PER2: variants seen among roughly 807,000 people sequenced by gnomAD.
PER2 encodes period circadian protein homolog 2.
PER2 carries 66 observed loss-of-function variants against 121.0 expected under a neutral mutation model. The ratio of observed to expected loss-of-function variants is 0.55; its 90% CI spans 0.45 to 0.67. The LOEUF (loss-of-function observed/expected upper bound fraction) is 0.67. Ranked by LOEUF, PER2 falls within the 30% of genes least tolerant of loss-of-function variation. The pLI is 0.00. For synonymous variants in PER2, 684 were observed against 659.9 expected, an observed-to-expected ratio of 1.04 and a Z score of -0.56; for missense variants, 1,521 against 1,635.0, an observed-to-expected ratio of 0.93 and a Z score of 1.20.
At chr2:238,247,443 C>T (rs940438517) in intron 22 of PER2, 6 of 152,336 alleles carry the variant, frequency 3.9e-5, no homozygotes, top group Admixed American at 2.6e-4. Context: ...TTACCGTCAA[C>T]ATCAGGAACG....
chr2:238,266,103 C>T (rs1374304947), intron 8 of PER2, among the ~76,000 whole-genome samples: 7 of 151,980 alleles, frequency 4.6e-5, no homozygotes, highest in East Asian at 1.9e-4. Flanking sequence ...TGGGGTTTCA[C>T]CGTGTTGGCC....
chr2:238,268,379 G>T lies in PER2; in HGVS notation c.825-181C>A, dbSNP rs1574852435. Among the ~76,000 whole-genome samples, 1 of 152,166 alleles carries T rather than the reference G, an allele frequency of 6.6e-6. No individual in the cohort carries two copies. On this transcript the variant is annotated intron_variant, in intron 7 of 22. Transcript: ENST00000254657. This position sits in a 1 kb window ranked among gnomAD's most constrained non-coding sequence, Gnocchi z 4.0. Reference sequence around the variant, plus strand: ...CTCCCTCAGTCCCATCATACTGAAGGGCAAATCAGAGTTAACACCCCCACC... The same window carrying T: ...CTCCCTCAGTCCCATCATACTGAAGTGCAAATCAGAGTTAACACCCCCACC...
At position 238,258,613 on chromosome 2, in the gene PER2, T is replaced by C. The variant is rs1318409051; in HGVS notation, c.1659A>G (p.Lys553=). 4 of 1,614,136 alleles carry C rather than the reference T, an allele frequency of 2.5e-6. No homozygotes were observed. The highest frequency in any genetic ancestry group is 1.7e-4 in the Middle Eastern group (1 of 6,060). The change falls in exon 15 of 23, where the codon AAA becomes AAG. Residue 553 remains lysine (K), a synonymous_variant. Coordinates refer to ENST00000254657, the MANE Select transcript of PER2 (RefSeq NM_022817.3). ...TGTCCTTTTCCATGGCAGGGACAGC[T>C]TTCTTCTCAGCTGGGGGATTAGTTT... The part of the protein sequence containing the change: ...EMQTNPPAEK[K]AVPAMEKDSL...
intron 13 of PER2, 67 bp from the exon 14 acceptor site, chr2:238,260,120 T>TGA: frequency 1.4e-6 from 1 of 727,160 alleles, no homozygotes; most frequent in Non-Finnish European, 2.5e-6. Flanking sequence ...TCCGGCAAAG[T>TGA]GAGAACAGAG....
chr2:238,246,172 A>T lies in PER2; in HGVS notation c.*203T>A. The stretch of plus-strand genomic sequence containing the variant: ...TCCACATATATATTTTATATATAAA[A>T]ACATATTTCTTTCCGAACTCTCCCC... On this transcript the variant is annotated 3_prime_UTR_variant, in exon 23 of 23. Transcript: ENST00000254657. 2.9e-6 allele frequency: 1 copy of T among 347,288 alleles called. No individual in the cohort carries two copies. The highest frequency in any genetic ancestry group is 8.7e-5 in the South Asian group (1 of 11,440). The allele number at this position is 347,288 out of a possible 1,614,324, so 21.5% of individuals were successfully genotyped here. A position where few individuals can be genotyped will look rare whatever the true frequency, so the allele number is the denominator to read the frequency against.
At chr2:238,276,267 A>C (rs374419239) in intron 3 of PER2, among the ~76,000 whole-genome samples, 1 of 152,270 alleles carries the variant, frequency 6.6e-6, no homozygotes, top group East Asian at 1.9e-4. Flanking sequence ...GACCAGGGAG[A>C]CCCTGGCCAA....
rs1022046616 is a variant in PER2 at position 238,252,815 on chromosome 2, C to T, written c.3111+97G>A. 32 of 1,074,706 alleles carry T rather than the reference C, an allele frequency of 3.0e-5. No individual in the cohort carries two copies. The highest frequency in any genetic ancestry group is 7.5e-5 in the South Asian group (6 of 80,460). 66.6% of individuals were successfully genotyped at this position (1,074,706 alleles called of 1,614,324 possible). Reference sequence around the variant, plus strand: ...TACAGGGTTTGGTGGAAACCTCAATCGTGTAACCCCCATGTCTGAACTGAG... The same window carrying T: ...TACAGGGTTTGGTGGAAACCTCAATTGTGTAACCCCCATGTCTGAACTGAG... On this transcript the variant is annotated intron_variant, in intron 19 of 22. Transcript: ENST00000254657. The surrounding 1 kb of genome is among the most constrained non-coding windows in gnomAD (Gnocchi z 4.2).
intron 1 of PER2, among the ~76,000 whole-genome samples, chr2:238,278,596 G>A (rs1044039336): frequency 6.6e-6 from 1 of 152,188 alleles, no homozygotes; most frequent in African/African-American, 2.4e-5. Flanking sequence ...CTCTGAATAG[G>A]TGATCTGCCT....
Position 238,277,788 on chromosome 2 carries a change from C to A in PER2, c.149G>T (p.Gly50Val). ...ACAGTCACTGCCCTGCGAGTCCCGC[C>A]CCGTGGAGCAGTTTTCGTTGGTCTC... ...GHETNENCST[G>V]RDSQGSDCDD... The change falls in exon 2 of 23, where the codon GGG becomes GTG. Residue 50 changes from glycine to valine, a missense_variant. Gly to Val is a moderately radical substitution (Grantham distance 109). Transcript: ENST00000254657. 6.2e-7 allele frequency: 1 copy of A among 1,614,226 alleles called. No individual in the cohort carries two copies. Among genetic ancestry groups the A allele is most frequent in the Non-Finnish European group, 8.5e-7 (1 of 1,180,038 alleles).
chr2:238,267,942 A>G, intron 8 of PER2, 114 bp downstream of exon 8: 1 of 1,223,426 alleles, frequency 8.2e-7, no homozygotes, highest in Non-Finnish European at 1.2e-6. Context: ...GGAGAGGCCA[A>G]GGCTGGGGAA....
At chr2:238,261,007 A>C in intron 12 of PER2, 54 bp from the exon 13 acceptor site, 1 of 1,591,742 alleles carries the variant, frequency 6.3e-7, no homozygotes, top group Non-Finnish European at 8.5e-7. Context: ...TGAGCTATGC[A>C]TGTGGCCCCC....
At position 238,260,924 on chromosome 2, in the gene PER2, G is replaced by A. The variant is rs200408737; in HGVS notation, c.1446C>T (p.Tyr482=). 1.6e-5 allele frequency: 26 copies of A among 1,612,350 alleles called. No individual in the cohort carries two copies. The highest frequency in any genetic ancestry group is 1.3e-5 in the African/African-American group (1 of 74,940). Residue 482 remains tyrosine, a synonymous_variant, in exon 13 of 23, where the codon TAC becomes TAT. Transcript: ENST00000254657. ...GGGACCCGTTGCTGCCCAGACTCCC[G>A]TAGCCACTGGAGCCGCTGTGGGGGA... ...QPVPHSGSSG[Y]GSLGSNGSHE...
Position 238,277,193 on chromosome 2 carries a change from A to G in PER2, c.231T>C (p.Ser77=). 1 of 1,609,840 alleles carries G rather than the reference A, an allele frequency of 6.2e-7. No homozygotes were observed. Among genetic ancestry groups the G allele is most frequent in the African/African-American group, 1.3e-5 (1 of 74,960 alleles). Residue 77 remains serine (S), a splice_region_variant and synonymous_variant, in exon 3 of 23, where the codon AGT becomes AGC. Coordinates refer to ENST00000254657, the MANE Select transcript of PER2 (RefSeq NM_022817.3). The part of the protein sequence containing the change: ...MLVEPPDARQ[S]PDTFSLMMAK... ...CCATCATCAGGCTAAAGGTATCTGG[A>G]CTATGAAAACAAAAAATAAAAGCAA... is the stretch of plus-strand genomic sequence containing the variant.
intron 1 of PER2, among the ~76,000 whole-genome samples, chr2:238,286,402 T>G (rs1696784129): frequency 6.6e-6 from 1 of 152,170 alleles, no homozygotes; most frequent in Non-Finnish European, 1.5e-5. Flanking sequence ...TGCTATTCAT[T>G]TACTGCTTCT....
chr2:238,297,874 G>A, the PER2 span, among the ~76,000 whole-genome samples: 2 of 152,276 alleles, frequency 1.3e-5, no homozygotes, highest in Admixed American at 6.5e-5. Flanking sequence ...GGGCATTGGC[G>A]TTCACAAGCT....
chr2:238,299,862 A>T, the PER2 span: 1 of 152,274 alleles, frequency 6.6e-6, no homozygotes, highest in East Asian at 1.9e-4. Context: ...CTGCTCCTTG[A>T]TGCCAACATC....
intron 1 of PER2, among the ~76,000 whole-genome samples, chr2:238,278,193 C>T (rs558636408): frequency 6.6e-6 from 1 of 152,286 alleles, no homozygotes; most frequent in Admixed American, 6.5e-5. Context: ...CCTCAGCCTC[C>T]AGGGTAGCTG....
At chr2:238,277,600 C>G (rs1574858331) in intron 2 of PER2, 107 bp downstream of exon 2, 8 of 1,322,534 alleles carry the variant, frequency 6.0e-6, no homozygotes, top group Non-Finnish European at 8.5e-6. Context: ...TCTTGAAAAA[C>G]TTGGTAATCA....
upstream of PER2, among the ~76,000 whole-genome samples, chr2:238,292,663 G>C (rs1459552505): frequency 6.7e-6 from 1 of 149,522 alleles, no homozygotes. Context: ...TAAGATTTTT[G>C]TTTTTCTTTT....
Sources: allele counts gnomAD v4.1 joint callset (sites outside exome capture counted in the v4.1 genomes callset), GRCh38; gene constraint gnomAD v4.1.1; non-coding constraint Gnocchi (gnomAD v3.1); transcripts MANE v1.5; gene names NCBI Gene and HGNC (gene_info 2026-07-23, HGNC 2026-07-21).